The following SORBS2 variants were observed in gnomAD, a reference collection of about 807,000 sequenced individuals.
SORBS2 encodes sorbin and SH3 domain containing 2, also known as sorbin and SH3 domain-containing protein 2.
A neutral mutation model predicts 97.7 loss-of-function variants in SORBS2; 46 were observed. The ratio of observed to expected loss-of-function variants is 0.47; its 90% confidence interval spans 0.37 to 0.60. The LOEUF (loss-of-function observed/expected upper bound fraction) is 0.60. Among genes scored for constraint, SORBS2 ranks in the 20% least tolerant of loss-of-function variants. SORBS2 has a pLI of 0.00. For synonymous variants in SORBS2, 476 were observed against 473.4 expected (o/e 1.01, Z -0.07); for missense variants, 1,316 against 1,282.3 (o/e 1.03, Z -0.40).
intron 2 of SORBS2, among the ~76,000 whole-genome samples, chr4:185,700,189 C>A (rs2098240102): frequency 6.6e-6 from 1 of 152,170 alleles, no homozygotes; most frequent in South Asian, 2.1e-4. Context: ...GGCTTTAATG[C>A]AATTGTTGAA....
chr4:185,770,101 C>T (rs1398491516), intron 2 of SORBS2, among the ~76,000 whole-genome samples: 7 of 141,874 alleles, frequency 4.9e-5, no homozygotes, highest in East Asian at 2.0e-4. Context: ...TTTTTTGAGA[C>T]GAAGTCTCAC....
At chr4:185,641,760 T>TA (rs772924602) in intron 4 of SORBS2, among the ~76,000 whole-genome samples, 5,623 of 142,350 alleles carry the variant, frequency 0.04, 361 homozygotes, top group African/African-American at 0.13. Flanking sequence ...TTCTTTTCAT[T>TA]AAAAAAAAAA....
chr4:185,898,006 T>C (rs11132362), intron 1 of SORBS2, among the ~76,000 whole-genome samples: 108,571 of 152,090 alleles, frequency 0.71, 38,786 homozygotes, highest in Middle Eastern at 0.83. Context: ...CACTGCACTC[T>C]AGCCTGGGCA....
At chr4:185,870,808 C>CT (rs996108538) in intron 1 of SORBS2, among the ~76,000 whole-genome samples, 7 of 152,032 alleles carry the variant, frequency 4.6e-5, no homozygotes, top group African/African-American at 9.7e-5. Context: ...TCAAGGATTC[C>CT]TTTTTTTTCT....
chr4:185,598,513 G>A (rs923441338), intron 12 of SORBS2, among the ~76,000 whole-genome samples: 10 of 152,278 alleles, frequency 6.6e-5, no homozygotes, highest in Admixed American at 1.3e-4. Flanking sequence ...TTGAAAAGCC[G>A]TCTAATTTAT....
intron 2 of SORBS2, among the ~76,000 whole-genome samples, chr4:185,706,981 T>C (rs910684629): frequency 1.3e-5 from 2 of 152,202 alleles, no homozygotes; most frequent in African/African-American, 4.8e-5. Flanking sequence ...CGTATGTACA[T>C]GTTTCTTAAT....
intron 1 of SORBS2, among the ~76,000 whole-genome samples, chr4:185,792,298 A>C (rs555411212): frequency 1.3e-5 from 2 of 152,330 alleles, no homozygotes; most frequent in South Asian, 4.1e-4. Flanking sequence ...GTTTGAAACC[A>C]GCCTGGCCAA....
intron 1 of SORBS2, among the ~76,000 whole-genome samples, chr4:185,781,347 A>G (rs1402810681): frequency 6.6e-6 from 1 of 152,226 alleles, no homozygotes; most frequent in East Asian, 1.9e-4. Context: ...TCCATTTGAA[A>G]TTGAGCATAT....
intron 4 of SORBS2, among the ~76,000 whole-genome samples, 193 bp from the exon 8 acceptor site, chr4:185,662,435 C>A (rs1030178333): frequency 6.6e-6 from 1 of 152,216 alleles, no homozygotes; most frequent in African/African-American, 2.4e-5. Flanking sequence ...TTCTGAAAAT[C>A]ACTCTCTTGT....
intron 1 of SORBS2, among the ~76,000 whole-genome samples, chr4:185,797,158 G>A (rs976723105): frequency 6.6e-6 from 1 of 152,212 alleles, no homozygotes; most frequent in African/African-American, 2.4e-5. Context: ...CACTCGAGTA[G>A]AGCTGTCTGT....
intron 2 of SORBS2, among the ~76,000 whole-genome samples, chr4:185,700,660 A>G (rs2098247770): frequency 2.0e-5 from 3 of 152,166 alleles, no homozygotes; most frequent in Admixed American, 2.0e-4. Flanking sequence ...TGGGTTTTTA[A>G]CCATCTGGTT....
Position 185,912,250 on chromosome 4 carries a change from T to C in SORBS2, c.-338+43946A>G, listed in dbSNP as rs115396687. ...GGTAATTTATTTGAAGCATCTCTTA[T>C]TGTTTGGCACTCATTATTTTCAAAT... On this transcript the variant is annotated intron_variant, in intron 1 of 20. Coordinates refer to the SORBS2 transcript ENST00000284776. Among the ~76,000 whole-genome samples, 934 of 152,288 alleles carry C rather than the reference T, an allele frequency of 6.1e-3. 14 individuals are homozygous for C. Among genetic ancestry groups the C allele is most frequent in the African/African-American group, 0.022 (894 of 41,562 alleles).
At chr4:185,926,050 G>C (rs1442870996) in intron 1 of SORBS2, among the ~76,000 whole-genome samples, 1 of 152,244 alleles carries the variant, frequency 6.6e-6, no homozygotes, top group Non-Finnish European at 1.5e-5. Flanking sequence ...TACCCTTCCT[G>C]GAGTGCAGAC....
chr4:185,836,793 T>C (rs2099208350), intron 1 of SORBS2, among the ~76,000 whole-genome samples: 1 of 152,238 alleles, frequency 6.6e-6, no homozygotes, highest in Non-Finnish European at 1.5e-5. Flanking sequence ...CTTTTGAATT[T>C]TAACACTTAA....
At chr4:185,927,136 T>C (rs2099264105) in intron 1 of SORBS2, among the ~76,000 whole-genome samples, 3 of 149,062 alleles carry the variant, frequency 2.0e-5, no homozygotes, top group Non-Finnish European at 1.5e-5. Flanking sequence ...TAAAATATAT[T>C]CTTACATACA....
chr4:185,741,870 T>C (rs1328417144), intron 2 of SORBS2, among the ~76,000 whole-genome samples: 1 of 152,230 alleles, frequency 6.6e-6, no homozygotes, highest in African/African-American at 2.4e-5. Context: ...AGGTAAGTAT[T>C]AGGGTGCTCG....
At chr4:185,701,829 G>T (rs1179645565) in intron 2 of SORBS2, among the ~76,000 whole-genome samples, 2 of 150,856 alleles carry the variant, frequency 1.3e-5, no homozygotes, top group Non-Finnish European at 2.9e-5. Flanking sequence ...GAGTGCAAGT[G>T]GCGTGATCTC....
chr4:185,921,667 TC>T, intron 1 of SORBS2, among the ~76,000 whole-genome samples: 1 of 152,236 alleles, frequency 6.6e-6, no homozygotes, highest in South Asian at 2.1e-4. Flanking sequence ...GTTATAGAGA[TC>T]CTCAGTTCAC....
chr4:185,587,672 G>T lies in SORBS2; in HGVS notation c.2970C>A (p.Thr990=), dbSNP rs142734651. ...TTCCGGGGAAAGTACCAAAGAATTT[G>T]GTTCTTCTTGAGGTCCCTGAAAATA... Residue 990 remains threonine (T), a synonymous_variant, in exon 15 of 15, where the codon ACC becomes ACA. Coordinates refer to ENST00000418609, the Ensembl canonical transcript of SORBS2. The T allele has an allele frequency of 7.9e-5, 128 of 1,613,126 alleles. 1 individual carries two copies. The African/African-American group carries it at 1.6e-3, about 20-fold the overall frequency.
Sources: allele counts gnomAD v4.1 joint callset (sites outside exome capture counted in the v4.1 genomes callset), GRCh38; gene constraint gnomAD v4.1.1; transcripts MANE v1.5; gene names NCBI Gene and HGNC (gene_info 2026-07-23, HGNC 2026-07-21).